The following CDK19 variants were observed in gnomAD, a reference collection of about 807,000 sequenced individuals.
CDK19 encodes cyclin-dependent kinase 19.
In CDK19, 20 loss-of-function variants were observed where a neutral mutation model predicts 68.3. The observed-to-expected ratio is 0.29, with a 90% CI of 0.21 to 0.43. The LOEUF (loss-of-function observed/expected upper bound fraction) is 0.43, where lower values mean the gene tolerates loss of function less well. Among genes scored for constraint, CDK19 ranks in the 20% least tolerant of loss-of-function variants. CDK19 has a pLI of 1.00. For synonymous variants in CDK19, 221 were observed against 222.8 expected (o/e 0.99, Z 0.07); for missense variants, 339 against 623.5 (o/e 0.54, Z 4.86).
intron 2 of CDK19, among the ~76,000 whole-genome samples, chr6:110,691,559 G>A (rs952890215): frequency 7.2e-5 from 11 of 151,924 alleles, no homozygotes; most frequent in African/African-American, 1.2e-4. Context: ...GCAGGCTCCC[G>A]GTTCACCTGA....
At chr6:110,744,513 C>T (rs1334195110) in intron 2 of CDK19, among the ~76,000 whole-genome samples, 2 of 152,004 alleles carry the variant, frequency 1.3e-5, no homozygotes, top group African/African-American at 4.8e-5. Context: ...GCCTGGGTGG[C>T]AGAGCAAGAC....
chr6:110,675,894 T>C (rs556284065), intron 2 of CDK19, among the ~76,000 whole-genome samples: 14 of 152,362 alleles, frequency 9.2e-5, no homozygotes, highest in Middle Eastern at 3.4e-3. Context: ...ACAACATCCA[T>C]TCTGCAGCCC....
intron 2 of CDK19, among the ~76,000 whole-genome samples, chr6:110,688,907 G>C (rs890140166): frequency 6.6e-6 from 1 of 152,206 alleles, no homozygotes; most frequent in African/African-American, 2.4e-5. Context: ...TAGGCGACGA[G>C]TGGGAAGTGT....
intron 1 of CDK19, among the ~76,000 whole-genome samples, chr6:110,751,291 A>G (rs1332735892): frequency 6.6e-6 from 1 of 152,044 alleles, no homozygotes; most frequent in African/African-American, 2.4e-5. Context: ...ACTCTCCATC[A>G]CACCCATTAC....
intron 1 of CDK19, among the ~76,000 whole-genome samples, chr6:110,794,639 G>A (rs914383697): frequency 1.3e-5 from 2 of 151,390 alleles, no homozygotes; most frequent in South Asian, 2.1e-4. Flanking sequence ...TCCTGACCTC[G>A]TGATCCACCC....
At chr6:110,734,191 G>A (rs951120589) in intron 2 of CDK19, among the ~76,000 whole-genome samples, 1 of 151,952 alleles carries the variant, frequency 6.6e-6, no homozygotes, top group African/African-American at 2.4e-5. Context: ...TGTATTTTTA[G>A]TAGAGATGGG....
intron 1 of CDK19, among the ~76,000 whole-genome samples, chr6:110,754,601 T>C (rs948703491): frequency 3.9e-5 from 6 of 151,928 alleles, no homozygotes; most frequent in South Asian, 2.1e-4. Context: ...TGCCTCAGCC[T>C]CCCAAGTAGC....
intron 1 of CDK19, among the ~76,000 whole-genome samples, chr6:110,750,029 C>T (rs1778368390): frequency 6.9e-6 from 1 of 145,712 alleles, no homozygotes; most frequent in Non-Finnish European, 1.5e-5. Flanking sequence ...CTTGGCCTCC[C>T]AAAGTGCTGG....
At chr6:110,724,343 G>A (rs1418502838) in intron 2 of CDK19, among the ~76,000 whole-genome samples, 3 of 151,836 alleles carry the variant, frequency 2.0e-5, no homozygotes, top group African/African-American at 7.3e-5. Flanking sequence ...CAACAAGAGC[G>A]AAACTCCACC....
intron 1 of CDK19, among the ~76,000 whole-genome samples, chr6:110,761,603 C>T (rs1461564431): frequency 6.6e-6 from 1 of 151,756 alleles, no homozygotes; most frequent in African/African-American, 2.4e-5. Context: ...TCTGGACACA[C>T]ATATAGTTTA....
At chr6:110,665,957 G>A (rs1347563606) in intron 4 of CDK19, among the ~76,000 whole-genome samples, 5 of 151,822 alleles carry the variant, frequency 3.3e-5, no homozygotes, top group Admixed American at 6.6e-5. Context: ...TGCCCAGGCC[G>A]GTCTCGAAGT....
chr6:110,698,729 A>G (rs1773711111), intron 2 of CDK19, among the ~76,000 whole-genome samples: 1 of 152,186 alleles, frequency 6.6e-6, no homozygotes, highest in African/African-American at 2.4e-5. Context: ...ACAATCCACA[A>G]CTGCAAAGAT....
chr6:110,662,609 T>C lies in CDK19; in HGVS notation c.456+4825A>G, dbSNP rs111592306. On this transcript the variant is annotated intron_variant, in intron 4 of 12. Coordinates refer to ENST00000368911, the MANE Select transcript of CDK19 (RefSeq NM_015076.5). ...GCCAATGCTGGGACTACAAAAATTA[T>C]TGAGATATGAACCTTGCTCTCAAGA... is the stretch of plus-strand genomic sequence containing the variant. 9.9e-5 allele frequency among the ~76,000 whole-genome samples: 15 copies of C among 152,166 alleles called. 1 individual carries two copies. Among genetic ancestry groups the C allele is most frequent in the Admixed American group, 3.9e-4 (6 of 15,266 alleles).
At chr6:110,623,771 TATATAC>T (rs1333640959) in intron 8 of CDK19, among the ~76,000 whole-genome samples, 8 of 87,342 alleles carry the variant, frequency 9.2e-5, no homozygotes, top group Admixed American at 8.4e-4. Context: ...TATACACATA[TATATAC>T]ATATATACAC....
At chr6:110,624,403 A>T (rs1778954872) in intron 8 of CDK19, among the ~76,000 whole-genome samples, 1 of 152,148 alleles carries the variant, frequency 6.6e-6, no homozygotes, top group Non-Finnish European at 1.5e-5. Flanking sequence ...TTCAAATTAA[A>T]AGGTCTAAAA....
At chr6:110,704,888 G>A (rs1262631394) in intron 2 of CDK19, among the ~76,000 whole-genome samples, 2 of 151,834 alleles carry the variant, frequency 1.3e-5, no homozygotes, top group African/African-American at 4.8e-5. Context: ...AGAAAGGAGG[G>A]GTTAGATAAA....
At chr6:110,742,088 T>C (rs1001445183) in intron 2 of CDK19, among the ~76,000 whole-genome samples, 4 of 152,268 alleles carry the variant, frequency 2.6e-5, no homozygotes, top group African/African-American at 9.6e-5. Flanking sequence ...AAAGGACAAA[T>C]ACATAAAACA....
At chr6:110,646,264 G>A in intron 4 of CDK19, 1 of 1,504,326 alleles carries the variant, frequency 6.6e-7, no homozygotes. Flanking sequence ...ACACATAGTT[G>A]CGTGTGCTGC....
intron 4 of CDK19, among the ~76,000 whole-genome samples, chr6:110,645,396 G>A (rs574947813): frequency 6.6e-6 from 1 of 152,234 alleles, no homozygotes; most frequent in South Asian, 2.1e-4. Context: ...AAACTTTGTG[G>A]AAGACATCTA....
Sources: allele counts gnomAD v4.1 joint callset (sites outside exome capture counted in the v4.1 genomes callset), GRCh38; gene constraint gnomAD v4.1.1; transcripts MANE v1.5; gene names NCBI Gene and HGNC (gene_info 2026-07-23, HGNC 2026-07-21).